The following ROR2 variants were observed in gnomAD, a reference collection of about 807,000 sequenced individuals.
ROR2 encodes the protein ROR family WNT receptor 2, also known as tyrosine-protein kinase transmembrane receptor ROR2.
In ROR2, 33 loss-of-function variants were observed where a neutral mutation model predicts 74.9. That is an observed-to-expected ratio of 0.44 (90% CI 0.33 to 0.59). The LOEUF (loss-of-function observed/expected upper bound fraction) is 0.59, where lower values mean the gene tolerates loss of function less well. ROR2 is among the 20% of genes least tolerant of loss of function. The pLI, the probability that ROR2 is intolerant of heterozygous loss-of-function variation, is 0.02. For missense variants in ROR2, 1,216 were observed against 1,313.8 expected (o/e 0.93, Z 1.15); for synonymous variants, 586 against 558.7 (o/e 1.05, Z -0.69).
At chr9:91,863,565 G>A (rs1829539052) in intron 1 of ROR2, among the ~76,000 whole-genome samples, 1 of 152,182 alleles carries the variant, frequency 6.6e-6, no homozygotes, top group African/African-American at 2.4e-5. Flanking sequence ...TGGTGTATCT[G>A]TACAGTGAAA....
chr9:91,794,831 T>C (rs1314874037), intron 1 of ROR2, among the ~76,000 whole-genome samples: 3 of 152,194 alleles, frequency 2.0e-5, no homozygotes, highest in African/African-American at 7.2e-5. Flanking sequence ...TAAATATTAA[T>C]GTATTATAGG....
chr9:91,864,021 C>T (rs1829554471), intron 1 of ROR2, among the ~76,000 whole-genome samples: 1 of 152,114 alleles, frequency 6.6e-6, no homozygotes, highest in Non-Finnish European at 1.5e-5. Context: ...GAAGCAGACG[C>T]AGAAACAAAG....
intron 1 of ROR2, among the ~76,000 whole-genome samples, chr9:91,859,743 T>C (rs1196440701): frequency 2.0e-5 from 3 of 152,102 alleles, no homozygotes; most frequent in African/African-American, 7.2e-5. Flanking sequence ...GAGAATTGCT[T>C]GAACCTGGGA....
chr9:91,914,121 G>C (rs1055705004), intron 1 of ROR2, among the ~76,000 whole-genome samples: 1 of 152,044 alleles, frequency 6.6e-6, no homozygotes, highest in South Asian at 2.1e-4. Flanking sequence ...CAATGCCCCC[G>C]TGTGCTTGCT....
chr9:91,724,358 A>C lies in ROR2; in HGVS notation c.2136T>G (p.Pro712=). The change falls in exon 9 of 9, where the codon CCT becomes CCG. Residue 712 remains proline (P), a synonymous_variant. Transcript: ENST00000375708. ...CCCAGGCGGGACAGTCATCGGGGCA[A>C]GGCAGCACCTGCCGGTTCCGGATCA... ...VEMIRNRQVL[P]CPDDCPAWVY... is the part of the protein sequence containing the mutation. 1 of 1,613,832 alleles carries C rather than the reference A, an allele frequency of 6.2e-7. No individual in the cohort carries two copies. Among genetic ancestry groups the C allele is most frequent in the Admixed American group, 1.7e-5 (1 of 60,030 alleles).
intron 1 of ROR2, among the ~76,000 whole-genome samples, chr9:91,784,890 T>C (rs1826742888): frequency 6.6e-6 from 1 of 152,226 alleles, no homozygotes; most frequent in Non-Finnish European, 1.5e-5. Context: ...TGTCTCGCCT[T>C]CATGGGGCCA....
At chr9:91,865,384 T>C (rs1198721864) in intron 1 of ROR2, among the ~76,000 whole-genome samples, 1 of 152,250 alleles carries the variant, frequency 6.6e-6, no homozygotes, top group Non-Finnish European at 1.5e-5. Flanking sequence ...CGTTTTGGCT[T>C]TCTTTAATGT....
At chr9:91,795,772 G>A (rs1374313823) in intron 1 of ROR2, among the ~76,000 whole-genome samples, 1 of 152,174 alleles carries the variant, frequency 6.6e-6, no homozygotes, top group African/African-American at 2.4e-5. Context: ...CCAGGCTAAA[G>A]GGAAACTCTC....
chr9:91,886,938 G>A (rs1830298614), intron 1 of ROR2: 1 of 152,194 alleles, frequency 6.6e-6, no homozygotes, highest in Non-Finnish European at 1.5e-5. Context: ...CTGACAGTCA[G>A]ACTGCCTGCC....
intron 1 of ROR2, among the ~76,000 whole-genome samples, chr9:91,932,439 A>C (rs984101078): frequency 1.3e-5 from 2 of 152,190 alleles, no homozygotes; most frequent in Non-Finnish European, 2.9e-5. Context: ...ATATTCTTAG[A>C]AATAGTCTTA....
intron 1 of ROR2, among the ~76,000 whole-genome samples, chr9:91,828,189 C>T (rs1828350695): frequency 6.6e-6 from 1 of 152,178 alleles, no homozygotes; most frequent in South Asian, 2.1e-4. Context: ...TTCTTACATA[C>T]TTTCTTATTG....
chr9:91,907,650 A>G (rs1830854615), intron 1 of ROR2, among the ~76,000 whole-genome samples: 1 of 152,136 alleles, frequency 6.6e-6, no homozygotes, highest in South Asian at 2.1e-4. Context: ...CTTCCCACTC[A>G]CTGCAATGTC....
At chr9:91,879,040 T>C (rs1239903715) in intron 1 of ROR2, among the ~76,000 whole-genome samples, 3 of 147,862 alleles carry the variant, frequency 2.0e-5, no homozygotes, top group Non-Finnish European at 3.0e-5. Context: ...AGACTCCATC[T>C]CAAAAAAAGA....
chr9:91,740,786 G>GA (rs1334455886), intron 4 of ROR2, among the ~76,000 whole-genome samples: 1 of 152,022 alleles, frequency 6.6e-6, no homozygotes, highest in Non-Finnish European at 1.5e-5. Context: ...GGAAAGCAAG[G>GA]AAAGGACTGA....
At chr9:91,829,403 A>G (rs1248075213) in intron 1 of ROR2, among the ~76,000 whole-genome samples, 1 of 152,024 alleles carries the variant, frequency 6.6e-6, no homozygotes, top group Admixed American at 6.6e-5. Context: ...CACAAAAATT[A>G]GCTGGGCATG....
At chr9:91,851,637 A>G (rs551945787) in intron 1 of ROR2, among the ~76,000 whole-genome samples, 25 of 152,222 alleles carry the variant, frequency 1.6e-4, no homozygotes, top group Non-Finnish European at 2.9e-4. Context: ...TTGTATTTTA[A>G]TTTTGGGAGA....
At chr9:91,726,373 CAT>C (rs1333152099) in intron 8 of ROR2, among the ~76,000 whole-genome samples, 166 bp downstream of exon 8, 1 of 151,934 alleles carries the variant, frequency 6.6e-6, no homozygotes, top group South Asian at 2.1e-4. Context: ...CTAAAGCACA[CAT>C]GTCCTGATCT....
At chr9:91,821,252 C>T (rs894086347) in intron 1 of ROR2, among the ~76,000 whole-genome samples, 3 of 152,174 alleles carry the variant, frequency 2.0e-5, no homozygotes, top group Admixed American at 2.0e-4. Flanking sequence ...TTCTGGCCCC[C>T]AGAATTAGGA....
At chr9:91,754,669 CTAAAA>C (rs1825689794) in intron 4 of ROR2, among the ~76,000 whole-genome samples, 2 of 151,948 alleles carry the variant, frequency 1.3e-5, no homozygotes, top group African/African-American at 4.8e-5. Flanking sequence ...AATAAAATAA[CTAAAA>C]TAAAAGACAT....
Sources: allele counts gnomAD v4.1 joint callset (sites outside exome capture counted in the v4.1 genomes callset), GRCh38; gene constraint gnomAD v4.1.1; transcripts MANE v1.5; gene names NCBI Gene and HGNC (gene_info 2026-07-23, HGNC 2026-07-21).